CNTNAP2: variants seen among roughly 807,000 people sequenced by gnomAD.
The protein encoded by CNTNAP2 is contactin-associated protein-like 2.
CNTNAP2 carries 98 observed loss-of-function variants against 155.2 expected under a neutral mutation model. The ratio of observed to expected loss-of-function variants is 0.63; its 90% CI spans 0.54 to 0.75. The LOEUF (loss-of-function observed/expected upper bound fraction) is 0.75, where lower values mean the gene tolerates loss of function less well. Ranked by LOEUF, CNTNAP2 falls within the 30% of genes least tolerant of loss-of-function variation. CNTNAP2 has a pLI of 0.00. For missense variants in CNTNAP2, 1,727 were observed against 1,688.1 expected (o/e 1.02, Z -0.40); for synonymous variants, 651 against 631.2 (o/e 1.03, Z -0.47).
At chr7:147,171,139 G>T (rs1011101682) in intron 8 of CNTNAP2, among the ~76,000 whole-genome samples, 1 of 152,142 alleles carries the variant, frequency 6.6e-6, no homozygotes, top group Non-Finnish European at 1.5e-5. Flanking sequence ...CCAGAAGTCT[G>T]CATGAGCGTG....
chr7:146,246,667 A>T (rs1033961137), intron 1 of CNTNAP2, among the ~76,000 whole-genome samples: 4 of 151,562 alleles, frequency 2.6e-5, no homozygotes, highest in African/African-American at 7.3e-5. Context: ...AGCCAAGAAG[A>T]TCTGGGAAGG....
chr7:146,579,006 T>C (rs1029696405), intron 1 of CNTNAP2, among the ~76,000 whole-genome samples: 2 of 152,200 alleles, frequency 1.3e-5, no homozygotes, highest in Admixed American at 6.5e-5. Context: ...GTCTCCAAAA[T>C]TGTAGCTGAC....
intron 15 of CNTNAP2, among the ~76,000 whole-genome samples, chr7:148,107,638 G>A (rs780399666): frequency 3.3e-5 from 5 of 152,096 alleles, no homozygotes; most frequent in African/African-American, 2.4e-5. Context: ...TTTTTCTCCC[G>A]TAAGGAAATC....
intron 1 of CNTNAP2, among the ~76,000 whole-genome samples, chr7:146,334,239 G>A (rs1185976410): frequency 6.6e-6 from 1 of 152,140 alleles, no homozygotes; most frequent in East Asian, 1.9e-4. Context: ...AGACCATCCT[G>A]GCTAACACGG....
chr7:147,615,593 A>G (rs1162802057), intron 12 of CNTNAP2, among the ~76,000 whole-genome samples: 3 of 152,204 alleles, frequency 2.0e-5, no homozygotes, highest in Admixed American at 2.0e-4. Context: ...TGGCAAATCC[A>G]TCTTTATTGG....
chr7:147,266,526 G>A (rs1804611788), intron 8 of CNTNAP2, among the ~76,000 whole-genome samples: 1 of 152,144 alleles, frequency 6.6e-6, no homozygotes. Flanking sequence ...GATGGTCTGA[G>A]ACTATTACTA....
chr7:146,787,029 A>G (rs1180900186), intron 2 of CNTNAP2: 1 of 152,224 alleles, frequency 6.6e-6, no homozygotes, highest in East Asian at 1.9e-4. Context: ...TGCATAATTA[A>G]GCGTGTTCTA....
intron 10 of CNTNAP2, among the ~76,000 whole-genome samples, chr7:147,440,876 C>A (rs1267581488): frequency 2.0e-5 from 3 of 152,078 alleles, no homozygotes. Context: ...TTTTCTCTTG[C>A]TGCTTTTAGG....
intron 1 of CNTNAP2, among the ~76,000 whole-genome samples, chr7:146,131,022 T>G (rs2116735404): frequency 6.6e-6 from 1 of 152,296 alleles, no homozygotes; most frequent in South Asian, 2.1e-4. Flanking sequence ...TTTGGGTGGG[T>G]TCACAGAGCC....
At chr7:146,734,210 A>G (rs1585065037) in intron 1 of CNTNAP2, among the ~76,000 whole-genome samples, 2 of 152,172 alleles carry the variant, frequency 1.3e-5, no homozygotes, top group African/African-American at 2.4e-5. Flanking sequence ...AGTTTTTCCT[A>G]TATTTGACCC....
At chr7:147,168,765 A>C (rs888689725) in intron 8 of CNTNAP2, among the ~76,000 whole-genome samples, 4 of 152,116 alleles carry the variant, frequency 2.6e-5, no homozygotes, top group African/African-American at 9.7e-5. Flanking sequence ...ATTTTAATAC[A>C]CTTTTCATCT....
intron 13 of CNTNAP2, among the ~76,000 whole-genome samples, chr7:147,738,101 T>A (rs1224352970): frequency 6.6e-6 from 1 of 152,174 alleles, no homozygotes; most frequent in Non-Finnish European, 1.5e-5. Flanking sequence ...ACCCGTCTTT[T>A]GTGTCACTTA....
intron 3 of CNTNAP2, among the ~76,000 whole-genome samples, chr7:146,932,176 C>T (rs996443682): frequency 1.3e-5 from 2 of 152,126 alleles, no homozygotes; most frequent in Non-Finnish European, 2.9e-5. Flanking sequence ...AACACTGATG[C>T]AAAAATCCTC....
At chr7:146,508,361 A>AT (rs1797416055) in intron 1 of CNTNAP2, among the ~76,000 whole-genome samples, 1 of 152,144 alleles carries the variant, frequency 6.6e-6, no homozygotes, top group Non-Finnish European at 1.5e-5. Flanking sequence ...TCTACCCTGG[A>AT]ATGTATTCAA....
At chr7:146,895,589 T>G (rs893993786) in intron 3 of CNTNAP2, among the ~76,000 whole-genome samples, 1 of 151,612 alleles carries the variant, frequency 6.6e-6, no homozygotes, top group Non-Finnish European at 1.5e-5. Flanking sequence ...TTTGTTAGTA[T>G]GTAATAATTG....
intron 14 of CNTNAP2, among the ~76,000 whole-genome samples, chr7:147,925,589 C>T (rs572635223): frequency 1.2e-4 from 19 of 152,012 alleles, no homozygotes; most frequent in Non-Finnish European, 2.2e-4. Flanking sequence ...GCCTCAGCCT[C>T]CCGAGTAGCT....
intron 4 of CNTNAP2, among the ~76,000 whole-genome samples, chr7:147,103,430 T>C (rs977261913): frequency 1.3e-5 from 2 of 152,094 alleles, no homozygotes; most frequent in African/African-American, 4.8e-5. Context: ...ATAAGCAAAT[T>C]CTATCTTCTA....
chr7:146,490,922 T>C (rs539820010), intron 1 of CNTNAP2, among the ~76,000 whole-genome samples: 1 of 152,278 alleles, frequency 6.6e-6, no homozygotes, highest in African/African-American at 2.4e-5. Context: ...GACTTTACTG[T>C]CTAAAATCTA....
intron 20 of CNTNAP2, among the ~76,000 whole-genome samples, chr7:148,249,447 C>A (rs1227729836): frequency 6.6e-6 from 1 of 152,180 alleles, no homozygotes; most frequent in Admixed American, 6.5e-5. Context: ...TGTATTCACT[C>A]CTGTGATGAT....
Sources: allele counts gnomAD v4.1 joint callset (sites outside exome capture counted in the v4.1 genomes callset), GRCh38; gene constraint gnomAD v4.1.1; transcripts MANE v1.5; gene names NCBI Gene and HGNC (gene_info 2026-07-23, HGNC 2026-07-21).